CSGALNACT1: variants seen among roughly 807,000 people sequenced by gnomAD.
CSGALNACT1 encodes beta4GalNAcT-1.
Under a neutral mutation model 51.0 loss-of-function variants are expected in CSGALNACT1, and 52 were observed. The observed-to-expected ratio is 1.02, with a 90% CI of 0.82 to 1.29. The LOEUF (loss-of-function observed/expected upper bound fraction) is 1.29. Among genes scored for constraint, CSGALNACT1 ranks in the 50% most tolerant of loss-of-function variants. The probability of loss-of-function intolerance (pLI) is 0.00; values close to 1 mark genes in which losing one functional copy is unlikely to be tolerated. For synonymous variants in CSGALNACT1, 341 were observed against 254.4 expected, an observed-to-expected ratio of 1.34 and a Z score of -3.24; for missense variants, 935 against 679.2, an observed-to-expected ratio of 1.38 and a Z score of -4.19.
At chr8:19,683,291 T>C (rs2060765289), upstream of CSGALNACT1, 1 of 152,246 alleles carries the variant, frequency 6.6e-6, no homozygotes, top group Non-Finnish European at 1.5e-5. Context: ...TATAGCCACA[T>C]GACCCTCGCC....
At chr8:19,734,278 A>G (rs752621639) in intron 1 of CSGALNACT1, among the ~76,000 whole-genome samples, 4 of 152,234 alleles carry the variant, frequency 2.6e-5, no homozygotes, top group Non-Finnish European at 5.9e-5. Context: ...ATCCTTACAC[A>G]GCAAACTGCC....
intron 4 of CSGALNACT1, among the ~76,000 whole-genome samples, chr8:19,463,368 C>T (rs1055606993): frequency 1.3e-5 from 2 of 152,212 alleles, no homozygotes; most frequent in African/African-American, 2.4e-5. Context: ...CCCACAGGCA[C>T]ACATTCCCAT....
chr8:19,612,977 A>AAAAAAAAAAAAC (rs2052496873), intron 1 of CSGALNACT1, among the ~76,000 whole-genome samples: 1 of 146,980 alleles, frequency 6.8e-6, no homozygotes, highest in African/African-American at 2.6e-5. Context: ...AAAAAAAAAA[A>AAAAAAAAAAAAC]AAAGCACAGC....
At chr8:19,542,629 A>C (rs1015013577) in intron 3 of CSGALNACT1, among the ~76,000 whole-genome samples, 1 of 152,178 alleles carries the variant, frequency 6.6e-6, no homozygotes, top group African/African-American at 2.4e-5. Context: ...ATCTGTGTAG[A>C]GATGCAAAAC....
At chr8:19,680,702 T>TGA (rs926990247) in intron 1 of CSGALNACT1, among the ~76,000 whole-genome samples, 48 of 152,208 alleles carry the variant, frequency 3.2e-4, no homozygotes, top group African/African-American at 1.1e-3. Flanking sequence ...TGTCACCGAA[T>TGA]GACTGTGATA....
chr8:19,512,251 C>G (rs532214698), intron 3 of CSGALNACT1, among the ~76,000 whole-genome samples: 5 of 152,304 alleles, frequency 3.3e-5, no homozygotes, highest in Admixed American at 3.3e-4. Flanking sequence ...CGACAGCTAG[C>G]AAGGAACAGA....
intron 2 of CSGALNACT1, among the ~76,000 whole-genome samples, chr8:19,600,197 C>T (rs533978792): frequency 5.9e-5 from 9 of 152,240 alleles, no homozygotes; most frequent in African/African-American, 2.2e-4. Context: ...ATTCTTCTGC[C>T]TCATCTTCCC....
chr8:19,413,440 C>T (rs572513448), intron 8 of CSGALNACT1, among the ~76,000 whole-genome samples: 1 of 152,238 alleles, frequency 6.6e-6, no homozygotes, highest in South Asian at 2.1e-4. Flanking sequence ...TTGAGTATTA[C>T]GTGAGATAAC....
exon 10 of CSGALNACT1, chr8:19,405,147 A>T: frequency 2.2e-6 from 1 of 451,610 alleles, no homozygotes; most frequent in Non-Finnish European, 4.4e-6. Flanking sequence ...AGGGAAAAAA[A>T]GTGCATTTTT....
intron 1 of CSGALNACT1, among the ~76,000 whole-genome samples, chr8:19,712,251 T>C (rs1270700303): frequency 6.6e-6 from 1 of 152,066 alleles, no homozygotes; most frequent in Non-Finnish European, 1.5e-5. Flanking sequence ...GGTCTCGATC[T>C]CCTGACCTCG....
chr8:19,723,016 T>A (rs1341460151), intron 1 of CSGALNACT1, among the ~76,000 whole-genome samples: 1 of 152,216 alleles, frequency 6.6e-6, no homozygotes, highest in Non-Finnish European at 1.5e-5. Context: ...AGATAAGTGA[T>A]TCCAAAGTCT....
chr8:19,686,319 G>T (rs2060974520), upstream of CSGALNACT1, among the ~76,000 whole-genome samples: 1 of 152,170 alleles, frequency 6.6e-6, no homozygotes, highest in African/African-American at 2.4e-5. Context: ...AAAAAAACTA[G>T]AAGAATAGAA....
intron 6 of CSGALNACT1, among the ~76,000 whole-genome samples, chr8:19,422,387 G>C (rs1435021885): frequency 6.6e-6 from 1 of 152,094 alleles, no homozygotes; most frequent in Non-Finnish European, 1.5e-5. Context: ...TAGAGACAGA[G>C]TCTCACTTTG....
At chr8:19,743,576 A>G (rs775931419) in intron 1 of CSGALNACT1, among the ~76,000 whole-genome samples, 3 of 152,244 alleles carry the variant, frequency 2.0e-5, no homozygotes, top group Non-Finnish European at 4.4e-5. Flanking sequence ...AAGTTGAGAA[A>G]GTAAGTAAGG....
At chr8:19,706,720 C>T (rs1289448384) in intron 1 of CSGALNACT1, among the ~76,000 whole-genome samples, 1 of 152,106 alleles carries the variant, frequency 6.6e-6, no homozygotes, top group Non-Finnish European at 1.5e-5. Flanking sequence ...GCACTCCCGG[C>T]TCAAGCAATC....
intron 5 of CSGALNACT1, among the ~76,000 whole-genome samples, chr8:19,455,405 A>C (rs2063899672): frequency 6.6e-6 from 1 of 152,248 alleles, no homozygotes; most frequent in Non-Finnish European, 1.5e-5. Context: ...ATTTATAAAG[A>C]CAACATCAAA....
intron 1 of CSGALNACT1, among the ~76,000 whole-genome samples, chr8:19,741,391 C>T (rs1165574189): frequency 1.3e-5 from 2 of 151,960 alleles, no homozygotes; most frequent in African/African-American, 2.4e-5. Flanking sequence ...GGTGAAATCC[C>T]GTCTCTACTA....
intron 6 of CSGALNACT1, among the ~76,000 whole-genome samples, chr8:19,438,309 A>T (rs2153745812): frequency 1.3e-5 from 2 of 152,314 alleles, no homozygotes; most frequent in Non-Finnish European, 2.9e-5. Context: ...GGGAAACTTT[A>T]AAGAACCCCT....
chr8:19,747,344 G>A (rs1388081920), intron 1 of CSGALNACT1, among the ~76,000 whole-genome samples: 2 of 152,142 alleles, frequency 1.3e-5, no homozygotes, highest in Admixed American at 1.3e-4. Context: ...GGTCTAAGGA[G>A]GCGTTCCCTG....
Sources: allele counts gnomAD v4.1 joint callset (sites outside exome capture counted in the v4.1 genomes callset), GRCh38; gene constraint gnomAD v4.1.1; transcripts MANE v1.5; gene names NCBI Gene and HGNC (gene_info 2026-07-23, HGNC 2026-07-21).